Variants in ADAM12 observed in about 807,000 individuals in gnomAD.
ADAM12 encodes the protein ADAM metallopeptidase domain 12, also known as disintegrin and metalloproteinase domain-containing protein 12.
In ADAM12, 70 loss-of-function variants were observed where a neutral mutation model predicts 106.4. The observed-to-expected ratio is 0.66, with a 90% CI of 0.54 to 0.80. ADAM12 has a LOEUF of 0.80. Among genes scored for constraint, ADAM12 ranks in the 30% least tolerant of loss-of-function variants. The pLI, the probability that ADAM12 is intolerant of heterozygous loss-of-function variation, is 0.00. For missense variants in ADAM12, 1,010 were observed against 1,171.9 expected (o/e 0.86, Z 2.02); for synonymous variants, 420 against 433.5 (o/e 0.97, Z 0.39).
rs938640038 is a variant in ADAM12 at position 126,043,234 on chromosome 10, G to C, written c.1996-86C>G. 7 of 1,205,754 alleles carry C rather than the reference G, an allele frequency of 5.8e-6. No homozygotes were observed. Among genetic ancestry groups the C allele is most frequent in the African/African-American group, 1.5e-5 (1 of 65,950 alleles). 74.7% of individuals were successfully genotyped at this position (1,205,754 alleles called of 1,614,324 possible). A position where few individuals can be genotyped will look rare whatever the true frequency, so the allele number is the denominator to read the frequency against. ...AGAAGCAAGGGGGGCCATGGTCAGA[G>C]CCCCCCCCCAACACTGACACAGCCA... On this transcript the variant is annotated intron_variant, in intron 17 of 22. Transcript: ENST00000448723. The surrounding 1 kb of genome is among the most constrained non-coding windows in gnomAD (Gnocchi z 4.1).
intron 3 of ADAM12, among the ~76,000 whole-genome samples, chr10:126,273,768 T>A (rs1223930687): frequency 1.3e-5 from 2 of 152,174 alleles, no homozygotes; most frequent in Non-Finnish European, 2.9e-5. Flanking sequence ...TAATTAAGAT[T>A]GCTGGATCCA....
At chr10:126,372,615 G>A (rs571172548) in intron 1 of ADAM12, among the ~76,000 whole-genome samples, 1 of 152,306 alleles carries the variant, frequency 6.6e-6, no homozygotes, top group South Asian at 2.1e-4. Flanking sequence ...GGGGAGATAA[G>A]CTGAAGAAAT....
chr10:126,272,908 T>C (rs946693352), intron 3 of ADAM12: 6 of 260,128 alleles, frequency 2.3e-5, no homozygotes, highest in African/African-American at 1.4e-4. Context: ...ACTTGTTCTC[T>C]TGGGTTGGGA....
chr10:126,230,724 C>T lies in ADAM12; in HGVS notation c.260+48191G>A, dbSNP rs373354595. Reference sequence around the variant, plus strand: ...AAGCCCTTTTTAAATTCAGTGTGAACGTCTTTTGCTTCCTGATTTGTAAAA... The same window carrying T: ...AAGCCCTTTTTAAATTCAGTGTGAATGTCTTTTGCTTCCTGATTTGTAAAA... On this transcript the variant is annotated intron_variant, in intron 3 of 22. Transcript: ENST00000448723. 2.7e-4 allele frequency among the ~76,000 whole-genome samples: 41 copies of T among 152,294 alleles called. No homozygotes were observed. The East Asian group carries it at 5.6e-3, about 21-fold the overall frequency.
At chr10:126,191,384 G>A (rs930153166) in intron 3 of ADAM12, among the ~76,000 whole-genome samples, 8 of 152,234 alleles carry the variant, frequency 5.3e-5, no homozygotes, top group African/African-American at 1.9e-4. Flanking sequence ...GGATAGATGG[G>A]GGTGAGCAGC....
intron 3 of ADAM12, among the ~76,000 whole-genome samples, chr10:126,166,584 C>G (rs1366462678): frequency 1.3e-5 from 2 of 152,178 alleles, no homozygotes; most frequent in Non-Finnish European, 2.9e-5. Flanking sequence ...ACTGCAACCT[C>G]CACCTCCCGG....
At chr10:126,230,229 G>T (rs533599213) in intron 3 of ADAM12, among the ~76,000 whole-genome samples, 2 of 152,090 alleles carry the variant, frequency 1.3e-5, no homozygotes, top group African/African-American at 4.8e-5. Flanking sequence ...GGGTACACTC[G>T]TAGAGGGGTC....
chr10:126,050,610 C>A (rs1954456627), intron 14 of ADAM12, among the ~76,000 whole-genome samples: 1 of 152,236 alleles, frequency 6.6e-6, no homozygotes, highest in South Asian at 2.1e-4. Flanking sequence ...CTGCTCTCCA[C>A]CCTGGGGAGG....
intron 3 of ADAM12, among the ~76,000 whole-genome samples, chr10:126,247,461 T>G (rs891993058): frequency 1.3e-5 from 2 of 152,174 alleles, no homozygotes; most frequent in Non-Finnish European, 2.9e-5. Flanking sequence ...AGCAGGAACT[T>G]GGAAACCCTT....
chr10:126,091,609 G>A (rs1486962637), intron 11 of ADAM12, among the ~76,000 whole-genome samples: 1 of 85,054 alleles, frequency 1.2e-5, no homozygotes, highest in African/African-American at 2.9e-5. Context: ...CTGGTAATGG[G>A]GGAAAAAAAA....
At chr10:126,160,271 T>C (rs1407853143) in intron 3 of ADAM12, among the ~76,000 whole-genome samples, 2 of 152,172 alleles carry the variant, frequency 1.3e-5, no homozygotes, top group Admixed American at 6.5e-5. Flanking sequence ...ATTTGTTTAT[T>C]AGCTAGATTC....
At chr10:126,186,230 G>A (rs189702762) in intron 3 of ADAM12, among the ~76,000 whole-genome samples, 4 of 152,266 alleles carry the variant, frequency 2.6e-5, no homozygotes, top group Admixed American at 6.5e-5. Context: ...TGTAATCCCC[G>A]CGGGGCAGAA....
intron 14 of ADAM12, among the ~76,000 whole-genome samples, chr10:126,054,628 A>G (rs1954588076): frequency 6.6e-6 from 1 of 152,258 alleles, no homozygotes; most frequent in Non-Finnish European, 1.5e-5. Flanking sequence ...TTGGAAGAAC[A>G]AAGGCTTGGA....
intron 5 of ADAM12, among the ~76,000 whole-genome samples, chr10:126,135,186 G>A (rs1956382145): frequency 6.6e-6 from 1 of 152,226 alleles, no homozygotes; most frequent in Admixed American, 6.5e-5. Context: ...AATGAGAGGA[G>A]GCCCTTTAAG....
intron 21 of ADAM12, 22 bp downstream of exon 21, chr10:126,036,124 C>A (rs751472835): frequency 1.4e-6 from 2 of 1,381,616 alleles, no homozygotes; most frequent in Non-Finnish European, 1.9e-6. Flanking sequence ...TACATCCTAT[C>A]ATATTAGTAC....
chr10:126,342,546 G>T (rs538827112), intron 1 of ADAM12, among the ~76,000 whole-genome samples: 2 of 152,178 alleles, frequency 1.3e-5, no homozygotes, highest in Admixed American at 1.3e-4. Context: ...TTAAATCCTT[G>T]CTTCATCTTA....
intron 10 of ADAM12, among the ~76,000 whole-genome samples, chr10:126,098,023 A>C (rs563324341): frequency 6.6e-6 from 1 of 152,378 alleles, no homozygotes; most frequent in South Asian, 2.1e-4. Flanking sequence ...AGACAGAACC[A>C]TCAGAAAACC....
At chr10:126,252,374 C>A (rs1217930271) in intron 3 of ADAM12, among the ~76,000 whole-genome samples, 1 of 152,066 alleles carries the variant, frequency 6.6e-6, no homozygotes, top group African/African-American at 2.4e-5. Context: ...TAAGAAGGCC[C>A]ATGATACGCT....
chr10:126,100,018 A>T (rs1955630827), intron 9 of ADAM12, among the ~76,000 whole-genome samples: 1 of 152,124 alleles, frequency 6.6e-6, no homozygotes. Flanking sequence ...ACATCTCAAC[A>T]ATTTTTGTGT....
Sources: gnomAD v4.1 joint callset for allele counts (sites outside exome capture counted in the v4.1 genomes callset) on GRCh38, gnomAD v4.1.1 for gene constraint, Gnocchi (gnomAD v3.1) non-coding constraint, MANE v1.5 for transcripts, NCBI Gene and HGNC (gene_info 2026-07-23, HGNC 2026-07-21) for gene names.